AGBL4: variants seen among roughly 807,000 people sequenced by gnomAD.
The protein encoded by AGBL4 is cytosolic carboxypeptidase 6.
Under a neutral mutation model 66.4 loss-of-function variants are expected in AGBL4, and 58 were observed. That is an observed-to-expected ratio of 0.87 (90% CI 0.71 to 1.09). The LOEUF is 1.09. Ranked by LOEUF, AGBL4 falls within the 50% of genes least tolerant of loss-of-function variation. AGBL4 has a pLI of 0.00. For missense variants in AGBL4, 579 were observed against 631.0 expected (o/e 0.92, Z 0.88); for synonymous variants, 234 against 222.9 (o/e 1.05, Z -0.44).
At chr1:49,880,861 G>C (rs995699819) in intron 1 of AGBL4, among the ~76,000 whole-genome samples, 23 of 152,058 alleles carry the variant, frequency 1.5e-4, no homozygotes, top group Admixed American at 7.2e-4. Flanking sequence ...ATAGTCTCGT[G>C]GTGCGCCGTT....
intron 4 of AGBL4, among the ~76,000 whole-genome samples, chr1:49,072,802 G>T (rs1392102155): frequency 6.6e-6 from 1 of 152,166 alleles, no homozygotes; most frequent in Non-Finnish European, 1.5e-5. Context: ...TTGCTAGGTT[G>T]GGGAAGTTCT....
At chr1:49,443,936 C>G (rs747550542) in intron 3 of AGBL4, among the ~76,000 whole-genome samples, 1 of 151,852 alleles carries the variant, frequency 6.6e-6, no homozygotes, top group Non-Finnish European at 1.5e-5. Flanking sequence ...TGCTCTTGCT[C>G]TATTCCACAG....
At chr1:49,630,165 T>C (rs1344027778) in intron 3 of AGBL4, among the ~76,000 whole-genome samples, 1 of 152,118 alleles carries the variant, frequency 6.6e-6, no homozygotes, top group East Asian at 1.9e-4. Context: ...TTTCACTACC[T>C]CTCCTATCAC....
Position 49,526,006 on chromosome 1 carries a change from G to C in AGBL4, c.282+171307C>G, listed in dbSNP as rs796145375. 9.2e-5 allele frequency among the ~76,000 whole-genome samples: 14 copies of C among 151,964 alleles called. 1 individual carries two copies. The highest frequency in any genetic ancestry group is 3.1e-4 in the African/African-American group (13 of 41,502). ...ACTCGGGAGGCTGAGGCAGGAGAAT[G>C]GCGTGAACCCTGGGAGGTGGAGCTT... On this transcript the variant is annotated intron_variant, in intron 3 of 13. Transcript: ENST00000371839.
At chr1:48,752,466 A>G (rs1243149592) in intron 6 of AGBL4, among the ~76,000 whole-genome samples, 6 of 152,354 alleles carry the variant, frequency 3.9e-5, no homozygotes, top group African/African-American at 1.4e-4. Flanking sequence ...GTTTGAAATC[A>G]AGTCCAGGCA....
intron 11 of AGBL4, among the ~76,000 whole-genome samples, chr1:48,576,938 C>T (rs182799659): frequency 8.0e-4 from 122 of 152,320 alleles, no homozygotes; most frequent in African/African-American, 2.9e-3. Context: ...AACCTCATTT[C>T]CCCAAATCAT....
intron 1 of AGBL4, among the ~76,000 whole-genome samples, chr1:49,903,593 AG>A (rs1231191161): frequency 1.3e-5 from 2 of 152,178 alleles, no homozygotes; most frequent in African/African-American, 4.8e-5. Flanking sequence ...ACTGTAAAAC[AG>A]GGGTTAATAT....
chr1:49,317,777 C>T (rs781280776), intron 3 of AGBL4, among the ~76,000 whole-genome samples: 4 of 151,956 alleles, frequency 2.6e-5, no homozygotes, highest in Non-Finnish European at 4.4e-5. Context: ...AAAAATCTAA[C>T]ATCTTTAATA....
At chr1:49,226,389 G>A (rs1570131201) in intron 4 of AGBL4, among the ~76,000 whole-genome samples, 1 of 152,138 alleles carries the variant, frequency 6.6e-6, no homozygotes, top group Non-Finnish European at 1.5e-5. Context: ...AATATTTAAT[G>A]ATCTTCTCTG....
chr1:49,369,834 T>C (rs1644306210), intron 3 of AGBL4, among the ~76,000 whole-genome samples: 1 of 152,062 alleles, frequency 6.6e-6, no homozygotes, highest in Admixed American at 6.6e-5. Flanking sequence ...GTGCTTATGA[T>C]GAAATTAACA....
At chr1:49,415,701 T>G (rs1356744986) in intron 3 of AGBL4, among the ~76,000 whole-genome samples, 4 of 152,108 alleles carry the variant, frequency 2.6e-5, no homozygotes, top group African/African-American at 9.7e-5. Flanking sequence ...TGGATAGTAT[T>G]TTAGAACTAT....
At chr1:49,887,136 G>GATAT (rs138358272) in intron 1 of AGBL4, among the ~76,000 whole-genome samples, 1 of 108,418 alleles carries the variant, frequency 9.2e-6, no homozygotes. Context: ...TACATTTTGT[G>GATAT]ATATATATAT....
At chr1:49,042,308 A>C (rs966134743) in intron 5 of AGBL4, among the ~76,000 whole-genome samples, 1 of 152,128 alleles carries the variant, frequency 6.6e-6, no homozygotes, top group Admixed American at 6.6e-5. Context: ...AATTATCCCC[A>C]GAAAGGGAAC....
chr1:49,591,754 A>G (rs1644755853), intron 3 of AGBL4, among the ~76,000 whole-genome samples: 1 of 152,166 alleles, frequency 6.6e-6, no homozygotes, highest in South Asian at 2.1e-4. Context: ...AGACCAATGG[A>G]ACAAAATAAG....
intron 2 of AGBL4, among the ~76,000 whole-genome samples, chr1:49,707,687 G>GTA (rs1558180662): frequency 6.6e-6 from 1 of 151,998 alleles, no homozygotes; most frequent in Non-Finnish European, 1.5e-5. Flanking sequence ...CCAGTGGCAG[G>GTA]TACCGGTTTT....
intron 1 of AGBL4, among the ~76,000 whole-genome samples, chr1:49,969,988 C>A (rs1380249549): frequency 3.9e-5 from 6 of 152,130 alleles, no homozygotes; most frequent in African/African-American, 1.4e-4. Flanking sequence ...ACCAAGAATA[C>A]ATGATGGGGA....
intron 2 of AGBL4, among the ~76,000 whole-genome samples, chr1:49,707,628 ATGCCGTTTCT>A (rs1440440724): frequency 6.6e-6 from 1 of 151,910 alleles, no homozygotes; most frequent in Admixed American, 6.6e-5. Flanking sequence ...CTACTGGTGG[ATGCCGTTTCT>A]TCATAGTGTC....
At chr1:49,438,395 G>A (rs1168340866) in intron 3 of AGBL4, among the ~76,000 whole-genome samples, 2 of 152,148 alleles carry the variant, frequency 1.3e-5, no homozygotes, top group African/African-American at 2.4e-5. Context: ...AAAATTCAGA[G>A]GGAAATGTTT....
intron 4 of AGBL4, chr1:49,175,015 G>C (rs1362294180): frequency 6.6e-6 from 1 of 152,058 alleles, no homozygotes; most frequent in Non-Finnish European, 1.5e-5. Context: ...CCTGAGGTTT[G>C]AAGTCATCCA....
Sources: allele counts gnomAD v4.1 joint callset (sites outside exome capture counted in the v4.1 genomes callset), GRCh38; gene constraint gnomAD v4.1.1; transcripts MANE v1.5; gene names NCBI Gene and HGNC (gene_info 2026-07-23, HGNC 2026-07-21).